ZNF407: variants seen among roughly 807,000 people sequenced by gnomAD.
ZNF407 encodes the protein zinc finger protein 407.
In ZNF407, 17 loss-of-function variants were observed where a neutral mutation model predicts 131.2. The observed-to-expected ratio is 0.13, with a 90% CI of 0.09 to 0.19. ZNF407 has a LOEUF of 0.19. Ranked by LOEUF, ZNF407 falls within the 10% of genes least tolerant of loss-of-function variation. The probability of loss-of-function intolerance (pLI) is 1.00; values close to 1 mark genes in which losing one functional copy is unlikely to be tolerated. For missense variants in ZNF407, 2,681 were observed against 2,830.6 expected, an observed-to-expected ratio of 0.95 and a Z score of 1.20; for synonymous variants, 1,156 against 1,062.0, an observed-to-expected ratio of 1.09 and a Z score of -1.72.
chr18:74,738,619 G>T (rs778906380), intron 3 of ZNF407, among the ~76,000 whole-genome samples: 1 of 151,734 alleles, frequency 6.6e-6, no homozygotes, highest in Non-Finnish European at 1.5e-5. Context: ...TGCTCCTGTA[G>T]TCCCAGCTAC....
intron 4 of ZNF407, among the ~76,000 whole-genome samples, chr18:74,808,679 GTA>G (rs1970149848): frequency 6.6e-6 from 1 of 151,994 alleles, no homozygotes; most frequent in African/African-American, 2.4e-5. Flanking sequence ...CTCACCTATT[GTA>G]TATGTTGTTA....
chr18:75,049,346 G>C (rs541231697), intron 8 of ZNF407, among the ~76,000 whole-genome samples: 1 of 152,160 alleles, frequency 6.6e-6, no homozygotes, highest in South Asian at 2.1e-4. Context: ...GCTCTGGCAG[G>C]GTTTCACTAA....
intron 8 of ZNF407, among the ~76,000 whole-genome samples, chr18:75,055,645 G>A (rs2122276580): frequency 6.6e-6 from 1 of 152,292 alleles, no homozygotes; most frequent in South Asian, 2.1e-4. Flanking sequence ...GGCCCATGGA[G>A]ACTATTCTTG....
At chr18:74,872,946 C>T (rs569028023) in intron 4 of ZNF407, among the ~76,000 whole-genome samples, 40 of 151,930 alleles carry the variant, frequency 2.6e-4, no homozygotes, top group African/African-American at 6.5e-4. Context: ...ATTTAAATAA[C>T]ATTTAATAAT....
At chr18:75,013,588 A>T (rs1599294030) in intron 8 of ZNF407, among the ~76,000 whole-genome samples, 1 of 152,146 alleles carries the variant, frequency 6.6e-6, no homozygotes, top group South Asian at 2.1e-4. Flanking sequence ...AAGGATTCAC[A>T]TGTAGTGAAA....
At position 74,862,569 on chromosome 18, in the gene ZNF407, T is replaced by C. The variant is rs541984431; in HGVS notation, c.4878-14628T>C. On this transcript the variant is annotated intron_variant, in intron 4 of 8. Transcript: ENST00000299687. ...GAAGTACCAAGATATAAAATGCATT[T>C]ATGTAGTACTGTATCGAAGTTATTT... Among the ~76,000 whole-genome samples, 3 of 152,376 alleles carry C rather than the reference T, an allele frequency of 2.0e-5. No individual in the cohort carries two copies. The South Asian group carries it at 6.2e-4, about 32-fold the overall frequency.
rs566882666 is a variant in ZNF407, at chr18:74,735,082, G to A, written c.4803-46346G>A. ...TCTTTAGCAGCTAGCAACTGGAAAG[G>A]TATTTTCTTTAGTTCTGTCTGTATA... On this transcript the variant is annotated intron_variant, in intron 3 of 8. Coordinates refer to ENST00000299687, the MANE Select transcript of ZNF407 (RefSeq NM_017757.3). Among the ~76,000 whole-genome samples, 10 of 152,208 alleles carry A rather than the reference G, an allele frequency of 6.6e-5. No individual in the cohort carries two copies. The East Asian group carries it at 1.2e-3, about 18-fold the overall frequency.
At chr18:75,027,268 A>G (rs1973182484) in intron 8 of ZNF407, among the ~76,000 whole-genome samples, 1 of 152,186 alleles carries the variant, frequency 6.6e-6, no homozygotes, top group African/African-American at 2.4e-5. Context: ...GGAGGCAAGG[A>G]AGAGGGTGGT....
chr18:74,935,107 A>G (rs1285877110), intron 8 of ZNF407, among the ~76,000 whole-genome samples: 1 of 152,246 alleles, frequency 6.6e-6, no homozygotes, highest in Non-Finnish European at 1.5e-5. Context: ...TTGATTAGAA[A>G]TGACTATTTG....
intron 8 of ZNF407, among the ~76,000 whole-genome samples, chr18:75,057,131 C>G (rs1341971793): frequency 6.6e-6 from 1 of 152,092 alleles, no homozygotes; most frequent in Non-Finnish European, 1.5e-5. Flanking sequence ...CTTACTGGGC[C>G]TACGAAAATA....
At chr18:74,934,464 C>A (rs1568275027) in intron 8 of ZNF407, among the ~76,000 whole-genome samples, 3 of 152,168 alleles carry the variant, frequency 2.0e-5, no homozygotes, top group Non-Finnish European at 4.4e-5. Flanking sequence ...ATGGAAACAA[C>A]ATCGCAAGCT....
chr18:74,906,267 G>A (rs915342377), intron 7 of ZNF407, among the ~76,000 whole-genome samples: 2 of 152,126 alleles, frequency 1.3e-5, no homozygotes, highest in African/African-American at 4.8e-5. Context: ...TCCCTGTTTT[G>A]ATTATAGTAT....
At chr18:75,056,312 A>G (rs1013146767) in intron 8 of ZNF407, among the ~76,000 whole-genome samples, 1 of 152,244 alleles carries the variant, frequency 6.6e-6, no homozygotes, top group Non-Finnish European at 1.5e-5. Flanking sequence ...AACGCTGACC[A>G]GAATGTGTTT....
intron 7 of ZNF407, among the ~76,000 whole-genome samples, chr18:74,919,485 T>A: frequency 6.6e-6 from 1 of 152,200 alleles, no homozygotes. Context: ...TCTAAGAACA[T>A]CTTGCAGGAT....
intron 8 of ZNF407, among the ~76,000 whole-genome samples, chr18:75,014,740 T>G (rs1478893024): frequency 1.3e-5 from 2 of 152,146 alleles, no homozygotes; most frequent in Non-Finnish European, 2.9e-5. Context: ...CGTGTTGTTT[T>G]TTTTATATAC....
At chr18:74,657,827 G>A (rs1985532580) in intron 3 of ZNF407, among the ~76,000 whole-genome samples, 1 of 152,050 alleles carries the variant, frequency 6.6e-6, no homozygotes. Flanking sequence ...GTCAGGGAGT[G>A]TCCCTGGAAT....
At chr18:74,779,041 A>G (rs1426519089) in intron 3 of ZNF407, among the ~76,000 whole-genome samples, 2 of 142,958 alleles carry the variant, frequency 1.4e-5, no homozygotes, top group Admixed American at 1.4e-4. Context: ...TATGGCTGTC[A>G]ATATTATGTC....
intron 8 of ZNF407, among the ~76,000 whole-genome samples, chr18:75,034,300 GTTT>G (rs71170337): frequency 3.6e-4 from 42 of 115,212 alleles, no homozygotes; most frequent in Non-Finnish European, 6.9e-4. Context: ...TCTGTGTTGG[GTTT>G]TTTTTTTTTT....
intron 1 of ZNF407, among the ~76,000 whole-genome samples, chr18:74,617,253 A>G (rs1489284452): frequency 6.6e-6 from 1 of 151,968 alleles, no homozygotes; most frequent in African/African-American, 2.4e-5. Context: ...CCCTTTACCC[A>G]TAAACACTCA....
Sources: gnomAD v4.1 joint callset for allele counts (sites outside exome capture counted in the v4.1 genomes callset) on GRCh38, gnomAD v4.1.1 for gene constraint, MANE v1.5 for transcripts, NCBI Gene and HGNC (gene_info 2026-07-23, HGNC 2026-07-21) for gene names.